Variants in SKAP2 observed in about 807,000 individuals in gnomAD.
The protein encoded by SKAP2 is src kinase-associated phosphoprotein 2.
A neutral mutation model predicts 54.9 loss-of-function variants in SKAP2; 28 were observed. The observed-to-expected ratio is 0.51, with a 90% CI of 0.38 to 0.70. The LOEUF (loss-of-function observed/expected upper bound fraction) is 0.70, where lower values mean the gene tolerates loss of function less well. Among genes scored for constraint, SKAP2 ranks in the 30% least tolerant of loss-of-function variants. The probability of loss-of-function intolerance (pLI) is 0.00; values close to 1 mark genes in which losing one functional copy is unlikely to be tolerated. For synonymous variants in SKAP2, 137 were observed against 134.3 expected (o/e 1.02, Z -0.14); for missense variants, 356 against 424.1 (o/e 0.84, Z 1.41).
At position 26,670,185 on chromosome 7, in the gene SKAP2, T is replaced by C. The variant is rs960557345; in HGVS notation, c.995A>G (p.Asn332Ser). The C allele has an allele frequency of 6.6e-7, 1 of 1,522,628 alleles. No individual in the cohort carries two copies. The allele number at this position is 1,522,628 out of a possible 1,614,324, so 94.3% of individuals were successfully genotyped here. Reference sequence around the variant, plus strand: ...TTCTCCTACCCACCAGCCATATCTATTGTATTCCTAATTGAAAACAATATG... The same window carrying C: ...TTCTCCTACCCACCAGCCATATCTACTGTATTCCTAATTGAAAACAATATG... ...DVIYILSKEY[N>S]RYGWWVGEMK... Residue 332 changes from asparagine (N) to serine (S), a missense_variant, in exon 12 of 13, where the codon AAT becomes AGT. Coordinates refer to ENST00000345317, the MANE Select transcript of SKAP2 (RefSeq NM_003930.5).
Position 26,684,817 on chromosome 7 carries a change from G to A in SKAP2, c.906C>T (p.Tyr302=). The A allele has an allele frequency of 6.2e-7, 1 of 1,611,882 alleles. No individual in the cohort carries two copies. The highest frequency in any genetic ancestry group is 1.1e-5 in the South Asian group (1 of 91,012). ...GDKSTDYANF[Y]QGLWDCTGAF... ...CTCCAGTACAATCCCACAATCCCTG[G>A]TAAAAATTAGCATAATCAGTGCTCT... Residue 302 remains tyrosine, a synonymous_variant, in exon 11 of 13, where the codon TAC becomes TAT. Coordinates refer to ENST00000345317, the MANE Select transcript of SKAP2 (RefSeq NM_003930.5).
At chr7:26,705,151 A>T (rs1402566696) in intron 9 of SKAP2, among the ~76,000 whole-genome samples, 6 of 152,224 alleles carry the variant, frequency 3.9e-5, no homozygotes, top group Non-Finnish European at 7.3e-5. Flanking sequence ...CCTATTTTCC[A>T]GTATGACGAA....
intron 4 of SKAP2, among the ~76,000 whole-genome samples, chr7:26,770,109 G>A (rs748450995): frequency 6.6e-6 from 1 of 152,180 alleles, no homozygotes; most frequent in Non-Finnish European, 1.5e-5. Flanking sequence ...TTATCTATAA[G>A]CCCCTGACTG....
chr7:26,810,398 G>A (rs1166524357), intron 4 of SKAP2, among the ~76,000 whole-genome samples: 1 of 152,014 alleles, frequency 6.6e-6, no homozygotes, highest in Non-Finnish European at 1.5e-5. Flanking sequence ...GAGCAAAATG[G>A]TGGTTACCAG....
chr7:26,760,751 A>G (rs955562385), intron 4 of SKAP2, among the ~76,000 whole-genome samples: 2 of 152,186 alleles, frequency 1.3e-5, no homozygotes, highest in Non-Finnish European at 2.9e-5. Context: ...GTTGTGTCAA[A>G]TTTAGGTGGA....
intron 4 of SKAP2, among the ~76,000 whole-genome samples, chr7:26,778,299 C>T (rs1001156975): frequency 2.0e-5 from 3 of 152,048 alleles, no homozygotes; most frequent in Admixed American, 1.3e-4. Flanking sequence ...TCAGTTTCCT[C>T]AGCTGCAGAA....
In SKAP2 at chr7:26,690,380, C is replaced by A. The variant is rs1311097404; in HGVS notation, c.797-18G>T. On this transcript the variant is annotated intron_variant, in intron 9 of 12. Transcript: ENST00000345317. The stretch of plus-strand genomic sequence containing the variant: ...TTCTTCTTCTGTAAATAAACATTAT[C>A]AATGGCACATTGAAGGGTTTTCTCA... The A allele has an allele frequency of 6.5e-7, 1 of 1,550,130 alleles. No homozygotes were observed. The highest frequency in any genetic ancestry group is 2.2e-5 in the East Asian group (1 of 44,532).
At position 26,686,676 on chromosome 7, in the gene SKAP2, G is replaced by T. The variant is rs1417596629; in HGVS notation, c.875-1828C>A. Among the ~76,000 whole-genome samples the T allele has an allele frequency of 2.0e-5, 3 of 152,306 alleles. No homozygotes were observed. In the East Asian group the frequency reaches 5.8e-4, roughly 29 times the overall value. ...TTAGACAAATAGAGATTTAGAAGTT[G>T]AAACATTCTAGTCAGATTAAATCAA... On this transcript the variant is annotated intron_variant, in intron 10 of 12. Coordinates refer to ENST00000345317, the MANE Select transcript of SKAP2 (RefSeq NM_003930.5).
chr7:26,803,629 A>G (rs1783960689), intron 4 of SKAP2, among the ~76,000 whole-genome samples: 1 of 152,228 alleles, frequency 6.6e-6, no homozygotes, highest in Admixed American at 6.5e-5. Flanking sequence ...TATATGCCCA[A>G]AAGAAAGGAA....
chr7:26,828,864 T>C (rs1162761879), intron 4 of SKAP2, among the ~76,000 whole-genome samples: 2 of 149,964 alleles, frequency 1.3e-5, no homozygotes, highest in Admixed American at 6.7e-5. Context: ...CCGTCTCTAC[T>C]AAAAATACAA....
At chr7:26,840,171 A>G (rs1784791945) in intron 4 of SKAP2, among the ~76,000 whole-genome samples, 1 of 152,090 alleles carries the variant, frequency 6.6e-6, no homozygotes, top group African/African-American at 2.4e-5. Context: ...ACACCAGGAC[A>G]ATAAATGACT....
intron 1 of SKAP2, among the ~76,000 whole-genome samples, chr7:26,862,566 T>C (rs1785291603): frequency 1.3e-5 from 2 of 152,110 alleles, no homozygotes; most frequent in South Asian, 4.1e-4. Flanking sequence ...TATGCTAGTA[T>C]ATTACCTGAC....
In SKAP2 at chr7:26,800,396, A is replaced by G. The variant is rs79552660; in HGVS notation, c.307+43634T>C. On this transcript the variant is annotated intron_variant, in intron 4 of 12. Transcript: ENST00000345317. ...AGTACTCAGAAGGACATTTATAGCT[A>G]TAAGTGCCTATATTGAAAAAGAGGA... is the stretch of plus-strand genomic sequence containing the variant. Among the ~76,000 whole-genome samples the G allele has an allele frequency of 2.4e-3, 371 of 152,304 alleles. 2 individuals carry two copies. The highest frequency in any genetic ancestry group is 8.1e-3 in the African/African-American group (337 of 41,570).
chr7:26,749,519 C>G (rs1285144778), intron 4 of SKAP2, among the ~76,000 whole-genome samples: 1 of 151,908 alleles, frequency 6.6e-6, no homozygotes, highest in African/African-American at 2.4e-5. Context: ...GAGGCTGAGG[C>G]AGAAGGATCA....
At chr7:26,701,773 A>AT (rs1787032128) in intron 9 of SKAP2, among the ~76,000 whole-genome samples, 1 of 151,714 alleles carries the variant, frequency 6.6e-6, no homozygotes, top group African/African-American at 2.4e-5. Context: ...AAATAAATAA[A>AT]ACTTGCATCA....
At chr7:26,697,247 G>A (rs947611276) in intron 9 of SKAP2, among the ~76,000 whole-genome samples, 2 of 152,130 alleles carry the variant, frequency 1.3e-5, no homozygotes, top group Admixed American at 1.3e-4. Context: ...TCTGCTGCTC[G>A]AGAAGCACTC....
chr7:26,849,686 C>CAAA (rs11327610), intron 3 of SKAP2, among the ~76,000 whole-genome samples: 1 of 85,478 alleles, frequency 1.2e-5, no homozygotes, highest in Non-Finnish European at 2.4e-5. Context: ...GACTCCATCT[C>CAAA]AAAAAAAAAA....
intron 4 of SKAP2, among the ~76,000 whole-genome samples, chr7:26,831,085 T>C (rs1002123540): frequency 3.3e-5 from 5 of 152,172 alleles, no homozygotes; most frequent in African/African-American, 9.7e-5. Flanking sequence ...TATAGCTTCA[T>C]AAGTGATCTT....
At chr7:26,751,921 G>A (rs1014828058) in intron 4 of SKAP2, among the ~76,000 whole-genome samples, 1 of 152,080 alleles carries the variant, frequency 6.6e-6, no homozygotes. Context: ...GAGAAGAAAG[G>A]AAGGGTAAGG....
Sources: gnomAD v4.1 joint callset for allele counts (sites outside exome capture counted in the v4.1 genomes callset) on GRCh38, gnomAD v4.1.1 for gene constraint, MANE v1.5 for transcripts, NCBI Gene and HGNC (gene_info 2026-07-23, HGNC 2026-07-21) for gene names.